The following TRIOBP variants were observed in gnomAD, a reference collection of about 807,000 sequenced individuals.
TRIOBP encodes TRIO and F-actin binding protein.
Under a neutral mutation model 238.8 loss-of-function variants are expected in TRIOBP, and 169 were observed. That is an observed-to-expected ratio of 0.71 (90% confidence interval 0.62 to 0.80). The LOEUF (loss-of-function observed/expected upper bound fraction) is 0.80, where lower values mean the gene tolerates loss of function less well. Ranked by LOEUF, TRIOBP falls within the 30% of genes least tolerant of loss-of-function variation. TRIOBP has a pLI of 0.00. For missense variants in TRIOBP, 2,838 were observed against 3,122.6 expected, an observed-to-expected ratio of 0.91 and a Z score of 2.17; for synonymous variants, 1,150 against 1,274.4, an observed-to-expected ratio of 0.90 and a Z score of 2.08.
intron 3 of TRIOBP, among the ~76,000 whole-genome samples, chr22:37,709,545 G>A (rs1923127264): frequency 1.3e-5 from 2 of 152,202 alleles, no homozygotes; most frequent in Admixed American, 6.5e-5. Flanking sequence ...CGAGGGTGCT[G>A]ACAGTCGACA....
At chr22:37,741,812 A>G (rs1924947403) in intron 11 of TRIOBP, among the ~76,000 whole-genome samples, 1 of 152,202 alleles carries the variant, frequency 6.6e-6, no homozygotes, top group African/African-American at 2.4e-5. Context: ...TTGTAGCCAA[A>G]CTTACTGAGC....
At chr22:37,698,354 C>CTTTTTTT (rs1175913171) in intron 2 of TRIOBP, among the ~76,000 whole-genome samples, 2 of 57,938 alleles carry the variant, frequency 3.5e-5, no homozygotes, top group Non-Finnish European at 5.9e-5. Context: ...CTGCAAGAGC[C>CTTTTTTT]TTTTTTTTTT....
chr22:37,769,232 C>G (rs1459791460), intron 20 of TRIOBP, 30 bp from the exon 21 acceptor site: 1 of 1,605,030 alleles, frequency 6.2e-7, no homozygotes, highest in Non-Finnish European at 8.5e-7. Context: ...GGTCCCGGCA[C>G]CCCTCCCCTG....
intron 9 of TRIOBP, among the ~76,000 whole-genome samples, chr22:37,735,918 C>A (rs1924648511): frequency 6.6e-6 from 1 of 152,230 alleles, no homozygotes; most frequent in African/African-American, 2.4e-5. Flanking sequence ...CCACCTGGGA[C>A]TGTAGCCAGT....
intron 15 of TRIOBP, among the ~76,000 whole-genome samples, chr22:37,756,862 C>T (rs1201694232): frequency 2.0e-5 from 3 of 152,318 alleles, no homozygotes; most frequent in Admixed American, 6.5e-5. Context: ...CCCGAGGTCC[C>T]GCCTTCACCC....
intron 17 of TRIOBP, among the ~76,000 whole-genome samples, chr22:37,765,277 CTCAAAA>C (rs1466990127): frequency 6.6e-6 from 1 of 151,806 alleles, no homozygotes; most frequent in Admixed American, 6.6e-5. Context: ...AAAACTCTGT[CTCAAAA>C]ACAAAAACAA....
At chr22:37,769,920 A>T (rs1926682688) in intron 21 of TRIOBP, among the ~76,000 whole-genome samples, 1 of 151,412 alleles carries the variant, frequency 6.6e-6, no homozygotes, top group Non-Finnish European at 1.5e-5. Flanking sequence ...GGTAGAGACA[A>T]GTTTCACTAT....
At chr22:37,771,017 G>A (rs1009613312) in intron 21 of TRIOBP, among the ~76,000 whole-genome samples, 4 of 152,226 alleles carry the variant, frequency 2.6e-5, no homozygotes, top group Non-Finnish European at 5.9e-5. Context: ...ACTTAGGTGA[G>A]GCTCACTCTG....
chr22:37,741,052 G>C lies in TRIOBP; in HGVS notation c.5322+20G>C, dbSNP rs762475659. ...CGAAGGGTAGGCTGGCTCCAGTGGG[G>C]ACTGGAGGGGTGAGGGTGGATAGAG... On this transcript the variant is annotated intron_variant, in intron 11 of 23. Transcript: ENST00000644935. 1.7e-5 allele frequency: 27 copies of C among 1,558,734 alleles called. No homozygotes were observed. In the African/African-American group the frequency reaches 2.7e-4, roughly 16 times the overall value.
At chr22:37,703,433 C>T (rs932637731) in intron 3 of TRIOBP, among the ~76,000 whole-genome samples, 2 of 151,880 alleles carry the variant, frequency 1.3e-5, no homozygotes, top group South Asian at 2.1e-4. Flanking sequence ...CTGGGACTCA[C>T]GAACCTCCGA....
chr22:37,769,434 G>C (rs950586242), intron 21 of TRIOBP, 59 bp downstream of exon 21: 1 of 1,476,214 alleles, frequency 6.8e-7, no homozygotes, highest in Non-Finnish European at 9.2e-7. Flanking sequence ...GGGCTATGGG[G>C]CACCCCCGCC....
At chr22:37,741,136 A>G in intron 11 of TRIOBP, 104 bp downstream of exon 11, 1 of 1,455,056 alleles carries the variant, frequency 6.9e-7, no homozygotes, top group Non-Finnish European at 9.3e-7. Context: ...GGGGCTGAGG[A>G]GGAGGCACCT....
chr22:37,769,611 A>C (rs900669604), intron 21 of TRIOBP, among the ~76,000 whole-genome samples: 6 of 152,228 alleles, frequency 3.9e-5, no homozygotes, highest in African/African-American at 1.2e-4. Context: ...CACTTTTCTG[A>C]GTCCCAGTAG....
Position 37,723,253 on chromosome 22 carries a change from C to A in TRIOBP, c.697C>A (p.Leu233Met). The change falls in exon 7 of 24, where the codon CTG becomes ATG. Residue 233 changes from leucine to methionine, a missense_variant. Leu to Met is a conservative substitution (Grantham distance 15). Around this residue, in one of 5 missense-constraint regions of TRIOBP, gnomAD observed 535 missense variants for 537.3 expected, o/e 1.00. Transcript: ENST00000644935. Reference protein sequence around the residue: ...ARLRGESGLSLERHRSTLTQA... With the variant: ...ARLRGESGLSMERHRSTLTQA... The stretch of plus-strand genomic sequence containing the variant: ...GCTCCGGGGAGAAAGCGGGTTGTCC[C>A]TGGAGCGGCACCGGTCAACACTGAC... 1 of 1,614,044 alleles carries A rather than the reference C, an allele frequency of 6.2e-7. No individual in the cohort carries two copies. The highest frequency in any genetic ancestry group is 1.1e-5 in the South Asian group (1 of 91,078).
chr22:37,765,523 GGGAGCA>G, intron 17 of TRIOBP, 141 bp from the exon 18 acceptor site: 2 of 1,016,710 alleles, frequency 2.0e-6, no homozygotes, highest in Middle Eastern at 3.0e-4. Context: ...GGGTGGGGGT[GGGAGCA>G]GGAGCAGGTG....
At chr22:37,717,014 T>C (rs1489275942) in intron 6 of TRIOBP, among the ~76,000 whole-genome samples, 1 of 152,208 alleles carries the variant, frequency 6.6e-6, no homozygotes, top group Non-Finnish European at 1.5e-5. Flanking sequence ...ACTTCAAGAA[T>C]GAAGCGGCAG....
At position 37,725,522 on chromosome 22, in the gene TRIOBP, C is replaced by T. The variant is rs752589065; in HGVS notation, c.2966C>T (p.Ser989Phe). Residue 989 changes from serine to phenylalanine, a missense_variant, in exon 7 of 24, where the codon TCC becomes TTC. Around this residue, in one of 5 missense-constraint regions of TRIOBP, gnomAD observed 2,096 missense variants for 2,137.4 expected, o/e 0.98. Transcript: ENST00000644935. ...SSHNPGHQST[S>F]RTSSPVYPAA... The stretch of plus-strand genomic sequence containing the variant: ...CATAACCCAGGCCACCAGAGCACCT[C>T]CCGAACTTCCTCACCTGTGTACCCC... 6.2e-6 allele frequency: 10 copies of T among 1,613,596 alleles called. No individual in the cohort carries two copies. The highest frequency in any genetic ancestry group is 8.5e-6 in the Non-Finnish European group (10 of 1,180,008).
chr22:37,746,030 G>A (rs1397422440), intron 11 of TRIOBP, among the ~76,000 whole-genome samples: 1 of 109,842 alleles, frequency 9.1e-6, no homozygotes, highest in Non-Finnish European at 2.1e-5. Context: ...CTTCCCTGCG[G>A]CCCCATCCGC....
rs770531721 is a variant in TRIOBP, at chr22:37,733,342, G to A, written c.3992G>A (p.Arg1331Gln). Residue 1331 changes from arginine (R) to glutamine (Q), a missense_variant, in exon 8 of 24, where the codon CGG (arginine) becomes CAG (glutamine). Physicochemically the swap from Arg to Gln is conservative, Grantham distance 43. Around this residue, in one of 5 missense-constraint regions of TRIOBP, gnomAD observed 2,096 missense variants for 2,137.4 expected, o/e 0.98. Transcript: ENST00000644935. The stretch of plus-strand genomic sequence containing the variant: ...GCCTTCCAGGCCCAGGACGAGGGAC[G>A]GTCACAGCAGCCCAGCCAAGGCCAG... ...AGAFQAQDEG[R>Q]SQQPSQGQSQ... 10 of 1,551,434 alleles carry A rather than the reference G, an allele frequency of 6.4e-6. No homozygotes were observed. The highest frequency in any genetic ancestry group is 3.6e-5 in the South Asian group (3 of 84,136).
Sources: allele counts gnomAD v4.1 joint callset (sites outside exome capture counted in the v4.1 genomes callset), GRCh38; gene constraint gnomAD v4.1.1; regional missense constraint gnomAD v4.1.1; transcripts MANE v1.5; gene names NCBI Gene and HGNC (gene_info 2026-07-23, HGNC 2026-07-21).